The following MS4A18 variants were observed in gnomAD, a reference collection of about 807,000 sequenced individuals.
The protein encoded by MS4A18 is membrane spanning 4-domains A18.
In MS4A18, 27 loss-of-function variants were observed where a neutral mutation model predicts 13.1. The observed-to-expected ratio is 2.06, with a 90% CI of 1.52 to 2.84. The LOEUF is 2.84. Ranked by LOEUF, MS4A18 falls within the 30% of genes most tolerant of loss-of-function variation. The probability of loss-of-function intolerance (pLI) is 0.00; values close to 1 mark genes in which losing one functional copy is unlikely to be tolerated. For missense variants in MS4A18, 307 were observed against 196.4 expected, an observed-to-expected ratio of 1.56 and a Z score of -3.37; for synonymous variants, 126 against 76.5, an observed-to-expected ratio of 1.65 and a Z score of -3.38.
chr11:60,729,781 T>G (rs1045091110), exon 1 of MS4A18: 3 of 694,150 alleles, frequency 4.3e-6, no homozygotes, highest in Non-Finnish European at 7.9e-6. Flanking sequence ...GGTCAGAACA[T>G]TAGGGGTGAG....
upstream of MS4A18, among the ~76,000 whole-genome samples, chr11:60,728,075 T>C (rs1275939374): frequency 6.6e-6 from 1 of 152,142 alleles, no homozygotes; most frequent in African/African-American, 2.4e-5. Context: ...CAACAAAATT[T>C]CTACATGGTC....
upstream of MS4A18, among the ~76,000 whole-genome samples, chr11:60,727,032 T>G (rs560953941): frequency 3.3e-5 from 5 of 152,264 alleles, no homozygotes; most frequent in Middle Eastern, 0.01. Flanking sequence ...TGTTCCTGTG[T>G]TAGTTTGCTG....
intron 1 of MS4A18, among the ~76,000 whole-genome samples, chr11:60,731,917 C>T (rs1008704202): frequency 3.4e-4 from 51 of 152,236 alleles, no homozygotes; most frequent in African/African-American, 1.1e-3. Context: ...GCGAGCGGCA[C>T]TATTTTTTTT....
intron 1 of MS4A18, among the ~76,000 whole-genome samples, chr11:60,731,664 T>C (rs1312484777): frequency 6.6e-6 from 1 of 152,230 alleles, no homozygotes; most frequent in Non-Finnish European, 1.5e-5. Flanking sequence ...TCTCGATTAC[T>C]AAAAATGTCA....
chr11:60,738,827 C>T, intron 3 of MS4A18, 75 bp from the exon 5 acceptor site: 1 of 684,136 alleles, frequency 1.5e-6, no homozygotes, highest in Non-Finnish European at 2.7e-6. Context: ...TCTCCGACTT[C>T]CCAAGAGTCC....
At chr11:60,725,748 T>C (rs913001103), upstream of MS4A18, among the ~76,000 whole-genome samples, 2 of 152,198 alleles carry the variant, frequency 1.3e-5, no homozygotes, top group Non-Finnish European at 2.9e-5. Flanking sequence ...AAATCTCAAC[T>C]TCAGCATTTC....
chr11:60,724,988 G>A (rs139540720), upstream of MS4A18, among the ~76,000 whole-genome samples: 2 of 152,326 alleles, frequency 1.3e-5, no homozygotes, highest in East Asian at 1.9e-4. Context: ...AGGCTGGGAA[G>A]TAACTGAAGA....
chr11:60,740,689 A>T (rs1437188152), intron 4 of MS4A18, among the ~76,000 whole-genome samples: 2 of 152,152 alleles, frequency 1.3e-5, no homozygotes, highest in Non-Finnish European at 2.9e-5. Flanking sequence ...GAGCTGGGGT[A>T]TTTATACACC....
chr11:60,735,627 G>C (rs1853326060), intron 2 of MS4A18, among the ~76,000 whole-genome samples: 1 of 141,024 alleles, frequency 7.1e-6, no homozygotes, highest in Admixed American at 7.0e-5. Context: ...GTGAGCCACG[G>C]CGGCTGGCCG....
At chr11:60,733,439 G>A in intron 1 of MS4A18, 95 bp from the exon 3 acceptor site, 1 of 692,680 alleles carries the variant, frequency 1.4e-6, no homozygotes, top group Non-Finnish European at 2.6e-6. Flanking sequence ...ATCACCCCTG[G>A]GGTGATTCTG....
chr11:60,728,152 C>T (rs1054918481), upstream of MS4A18, among the ~76,000 whole-genome samples: 4 of 152,360 alleles, frequency 2.6e-5, no homozygotes, highest in Middle Eastern at 3.4e-3. Context: ...TCCCAGGCCA[C>T]TTGGCCCATG....
chr11:60,726,914 C>A (rs1166808058), upstream of MS4A18, among the ~76,000 whole-genome samples: 1 of 151,860 alleles, frequency 6.6e-6, no homozygotes, highest in Non-Finnish European at 1.5e-5. Context: ...TGTCCTAATG[C>A]TCTCCCTCCC....
At chr11:60,739,251 T>C (rs1033885708) in intron 4 of MS4A18, among the ~76,000 whole-genome samples, 1 of 152,060 alleles carries the variant, frequency 6.6e-6, no homozygotes, top group Non-Finnish European at 1.5e-5. Context: ...TCCTTTTCTC[T>C]ACTTGGAGGT....
At chr11:60,744,732 T>G (rs1853462434), downstream of MS4A18, among the ~76,000 whole-genome samples, 1 of 152,132 alleles carries the variant, frequency 6.6e-6, no homozygotes, top group Non-Finnish European at 1.5e-5. Context: ...ACAAAGAGAA[T>G]ATAGGGTTGC....
chr11:60,728,510 T>C (rs1853200004), upstream of MS4A18, among the ~76,000 whole-genome samples: 1 of 151,572 alleles, frequency 6.6e-6, no homozygotes, highest in African/African-American at 2.4e-5. Flanking sequence ...TCTGTGTGTG[T>C]GTATGTGTGT....
exon 2 of MS4A18, chr11:60,733,560 G>A (rs890617280): frequency 8.5e-6 from 6 of 703,340 alleles, no homozygotes; most frequent in East Asian, 2.7e-5. Flanking sequence ...TCGGCCTGAC[G>A]CACATTTTCT....
At chr11:60,732,572 C>CA (rs886377515) in intron 1 of MS4A18, among the ~76,000 whole-genome samples, 50 of 150,020 alleles carry the variant, frequency 3.3e-4, no homozygotes, top group African/African-American at 9.8e-4. Flanking sequence ...ACTAAAAATA[C>CA]AAAAAAAAAT....
intron 2 of MS4A18, 63 bp from the exon 4 acceptor site, chr11:60,736,911 GGACA>G (rs1393568640): frequency 2.9e-6 from 2 of 683,458 alleles, no homozygotes; most frequent in African/African-American, 3.6e-5. Context: ...GTCTCTGAGT[GGACA>G]GCTGTCTTTT....
At chr11:60,744,584 T>C (rs1590966733), downstream of MS4A18, among the ~76,000 whole-genome samples, 1 of 152,158 alleles carries the variant, frequency 6.6e-6, no homozygotes, top group Non-Finnish European at 1.5e-5. Flanking sequence ...TAAAAAGTCA[T>C]AGGCTGGAAG....
Sources: allele counts gnomAD v4.1 joint callset (sites outside exome capture counted in the v4.1 genomes callset), GRCh38; gene constraint gnomAD v4.1.1; transcripts MANE v1.5; gene names NCBI Gene and HGNC (gene_info 2026-07-23, HGNC 2026-07-21).